NDUFAF6: variants seen among roughly 807,000 people sequenced by gnomAD.
The protein encoded by NDUFAF6 is NADH dehydrogenase (ubiquinone) complex I, assembly factor 6.
Under a neutral mutation model 40.8 loss-of-function variants are expected in NDUFAF6, and 45 were observed. The observed-to-expected ratio is 1.10, with a 90% CI of 0.87 to 1.42. NDUFAF6 has a LOEUF of 1.42. Among genes scored for constraint, NDUFAF6 ranks in the 40% most tolerant of loss-of-function variants. NDUFAF6 has a pLI of 0.00. For synonymous variants in NDUFAF6, 185 were observed against 155.9 expected (o/e 1.19, Z -1.39); for missense variants, 435 against 418.5 (o/e 1.04, Z -0.34).
intron 1 of NDUFAF6, among the ~76,000 whole-genome samples, chr8:94,909,328 G>C (rs1296379568): frequency 9.2e-6 from 1 of 108,276 alleles, no homozygotes; most frequent in Non-Finnish European, 1.8e-5. Context: ...CAGCCTGGAC[G>C]ACAGAGGGAG....
At chr8:94,926,761 C>T (rs1819934310) in intron 1 of NDUFAF6, 1 of 152,186 alleles carries the variant, frequency 6.6e-6, no homozygotes, top group Non-Finnish European at 1.5e-5. Flanking sequence ...TTTTCCAGTA[C>T]CTCTTTCTCC....
At chr8:94,985,507 A>T (rs1586902241) in intron 2 of NDUFAF6, among the ~76,000 whole-genome samples, 3 of 6,102 alleles carry the variant, frequency 4.9e-4, no homozygotes, top group African/African-American at 1.8e-3. Flanking sequence ...ATATATATAT[A>T]TATATATATT....
chr8:94,899,818 T>A (rs923593359), intron 1 of NDUFAF6, among the ~76,000 whole-genome samples: 1 of 152,176 alleles, frequency 6.6e-6, no homozygotes, highest in Non-Finnish European at 1.5e-5. Context: ...AAACTGCCCT[T>A]CCAAAGCACA....
chr8:95,001,400 G>C (rs1014405668), intron 2 of NDUFAF6, among the ~76,000 whole-genome samples: 2 of 152,112 alleles, frequency 1.3e-5, no homozygotes, highest in Non-Finnish European at 2.9e-5. Flanking sequence ...CACCTCGAGA[G>C]AGCTAGTTTA....
chr8:94,979,974 G>A (rs1240744887), intron 1 of NDUFAF6, among the ~76,000 whole-genome samples: 1 of 152,016 alleles, frequency 6.6e-6, no homozygotes, highest in Non-Finnish European at 1.5e-5. Context: ...GCGCGCACCT[G>A]TAATCCCAGC....
At chr8:95,010,616 CAA>C in intron 2 of NDUFAF6, among the ~76,000 whole-genome samples, 1 of 152,196 alleles carries the variant, frequency 6.6e-6, no homozygotes, top group South Asian at 2.1e-4. Context: ...TTCACTAAGA[CAA>C]AGTCAGTCAT....
At chr8:94,946,141 TA>T (rs1460888897) in intron 2 of NDUFAF6, among the ~76,000 whole-genome samples, 1 of 152,084 alleles carries the variant, frequency 6.6e-6, no homozygotes, top group Non-Finnish European at 1.5e-5. Context: ...GGCTTCTTTT[TA>T]TCATAGTTAT....
intron 5 of NDUFAF6, among the ~76,000 whole-genome samples, chr8:95,115,955 T>C (rs1296607901): frequency 1.3e-5 from 2 of 152,012 alleles, no homozygotes; most frequent in African/African-American, 2.4e-5. Flanking sequence ...CTGACCAACA[T>C]GGTGAAAACC....
At chr8:95,116,744 G>T (rs1324604554), downstream of NDUFAF6, among the ~76,000 whole-genome samples, 1 of 152,200 alleles carries the variant, frequency 6.6e-6, no homozygotes. Flanking sequence ...CTGGATTATT[G>T]TGTTGACACT....
chr8:94,956,702 T>TG (rs1457699363), upstream of NDUFAF6, among the ~76,000 whole-genome samples: 1 of 151,716 alleles, frequency 6.6e-6, no homozygotes, highest in Non-Finnish European at 1.5e-5. Context: ...GGATGGAGGG[T>TG]GGGGTTAGGA....
chr8:95,065,814 A>G lies in NDUFAF6; in HGVS notation c.*512-9819A>G, dbSNP rs1419313738. 2.0e-5 allele frequency among the ~76,000 whole-genome samples: 3 copies of G among 152,092 alleles called. No homozygotes were observed. In the East Asian group the frequency reaches 5.8e-4, roughly 29 times the overall value. On this transcript the variant is annotated intron_variant and NMD_transcript_variant, in intron 9 of 9. Coordinates refer to the NDUFAF6 transcript ENST00000520757. The stretch of plus-strand genomic sequence containing the variant: ...TTCTGTCACTTCTAGGTATAGTTTC[A>G]TTTGCCTTTATTATGGGTGAATTTG...
At chr8:95,045,424 C>G (rs1395747115) in intron 4 of NDUFAF6, 121 bp from the exon 5 acceptor site, 2 of 706,024 alleles carry the variant, frequency 2.8e-6, no homozygotes, top group Non-Finnish European at 5.1e-6. Context: ...TTATTGTGTA[C>G]TAAATAACAT....
chr8:95,068,179 C>T (rs1832748644), intron 9 of NDUFAF6: 1 of 151,850 alleles, frequency 6.6e-6, no homozygotes. Flanking sequence ...CCAGGTTGTT[C>T]CTTGGATCGC....
At chr8:95,019,759 G>A (rs903367109) in intron 2 of NDUFAF6, among the ~76,000 whole-genome samples, 1 of 152,152 alleles carries the variant, frequency 6.6e-6, no homozygotes, top group Non-Finnish European at 1.5e-5. Flanking sequence ...CCACCTAATA[G>A]GTATTTGACA....
upstream of NDUFAF6, chr8:95,024,955 G>T (rs1295731180): frequency 1.6e-6 from 2 of 1,277,558 alleles, no homozygotes; most frequent in South Asian, 5.3e-5. Flanking sequence ...GGCGTGGCCG[G>T]GGCGTAGCTG....
intron 3 of NDUFAF6, among the ~76,000 whole-genome samples, chr8:95,037,705 A>G (rs1829665558): frequency 6.6e-6 from 1 of 152,192 alleles, no homozygotes; most frequent in African/African-American, 2.4e-5. Flanking sequence ...CTTTACATTT[A>G]GTATCAGTGA....
chr8:95,112,472 G>A (rs1243551780), intron 4 of NDUFAF6, among the ~76,000 whole-genome samples: 3 of 152,138 alleles, frequency 2.0e-5, no homozygotes, highest in African/African-American at 7.2e-5. Flanking sequence ...AGCTAGAAAG[G>A]CAAGGAAGGA....
intron 2 of NDUFAF6, chr8:95,033,915 A>G: frequency 2.2e-6 from 1 of 444,718 alleles, no homozygotes; most frequent in Non-Finnish European, 4.6e-6. Flanking sequence ...AAGGTCTTGG[A>G]GACACCATTG....
At position 95,032,046 on chromosome 8, in the gene NDUFAF6, C is replaced by T; in HGVS notation, c.249C>T (p.Ser83=). 2 of 1,614,134 alleles carry T rather than the reference C, an allele frequency of 1.2e-6. No individual in the cohort carries two copies. Among genetic ancestry groups the T allele is most frequent in the Non-Finnish European group, 1.7e-6 (2 of 1,180,034 alleles). Residue 83 remains serine, a synonymous_variant, in exon 2 of 9, where the codon TCC becomes TCT. Transcript: ENST00000396124. ...YLCSLLLPAE[S]RSSVFALRAF... ...GCTCCCTGCTGCTCCCTGCAGAATC[C>T]CGAAGCTCTGTTTTTGCACTGAGGG...
Sources: allele counts gnomAD v4.1 joint callset (sites outside exome capture counted in the v4.1 genomes callset), GRCh38; gene constraint gnomAD v4.1.1; transcripts MANE v1.5; gene names NCBI Gene and HGNC (gene_info 2026-07-23, HGNC 2026-07-21).